The following PRKCA variants were observed in gnomAD, a reference collection of about 807,000 sequenced individuals.
PRKCA encodes protein kinase C alpha type.
A neutral mutation model predicts 87.0 loss-of-function variants in PRKCA; 27 were observed. The ratio of observed to expected loss-of-function variants is 0.31; its 90% CI spans 0.23 to 0.43. The LOEUF is 0.43. Among genes scored for constraint, PRKCA ranks in the 20% least tolerant of loss-of-function variants. The pLI is 1.00. For synonymous variants in PRKCA, 329 were observed against 311.1 expected (o/e 1.06, Z -0.61); for missense variants, 518 against 852.3 (o/e 0.61, Z 4.88).
chr17:66,801,378 C>T (rs1037855136), intron 16 of PRKCA, among the ~76,000 whole-genome samples: 2 of 152,116 alleles, frequency 1.3e-5, no homozygotes, highest in Non-Finnish European at 1.5e-5. Context: ...TCATGATGAC[C>T]AAAAATGGGT....
intron 3 of PRKCA, among the ~76,000 whole-genome samples, chr17:66,607,713 C>T (rs933903991): frequency 3.3e-5 from 5 of 151,978 alleles, no homozygotes; most frequent in Non-Finnish European, 5.9e-5. Flanking sequence ...ACAAGCAGTC[C>T]GGTATTTGGT....
At chr17:66,577,922 C>T (rs960998145) in intron 3 of PRKCA, among the ~76,000 whole-genome samples, 18 of 152,072 alleles carry the variant, frequency 1.2e-4, no homozygotes, top group African/African-American at 3.6e-4. Context: ...GCTTAGCTTC[C>T]GACCCCTGTC....
intron 2 of PRKCA, among the ~76,000 whole-genome samples, chr17:66,366,206 T>A (rs911125204): frequency 6.6e-6 from 1 of 152,172 alleles, no homozygotes. Context: ...GCGATCTTTT[T>A]ATGTGTTTTA....
intron 2 of PRKCA, among the ~76,000 whole-genome samples, chr17:66,413,839 C>A (rs547059383): frequency 2.6e-5 from 4 of 151,994 alleles, no homozygotes; most frequent in Non-Finnish European, 4.4e-5. Flanking sequence ...CATGGCAATA[C>A]CCCGTCTCTA....
intron 5 of PRKCA, among the ~76,000 whole-genome samples, chr17:66,662,719 C>A (rs551452676): frequency 6.6e-6 from 1 of 151,318 alleles, no homozygotes; most frequent in South Asian, 2.1e-4. Context: ...ATCTCGTAGG[C>A]CTGGCATCAT....
chr17:66,348,325 A>G (rs1907533900), intron 2 of PRKCA, among the ~76,000 whole-genome samples: 1 of 152,190 alleles, frequency 6.6e-6, no homozygotes, highest in Admixed American at 6.5e-5. Context: ...CTGGGATTTC[A>G]TGGTGGGAAG....
chr17:66,596,854 G>A (rs1342510079), intron 3 of PRKCA, among the ~76,000 whole-genome samples: 1 of 31,136 alleles, frequency 3.2e-5, no homozygotes, highest in East Asian at 7.5e-4. Context: ...TCTTGCGATA[G>A]TTTACTGAGA....
intron 3 of PRKCA, among the ~76,000 whole-genome samples, chr17:66,626,663 C>T (rs1368859461): frequency 1.3e-5 from 2 of 152,004 alleles, no homozygotes; most frequent in Non-Finnish European, 2.9e-5. Flanking sequence ...AGCCATCACG[C>T]CCAGCCTAGT....
At chr17:66,388,192 G>A (rs998473042) in intron 2 of PRKCA, among the ~76,000 whole-genome samples, 3 of 150,972 alleles carry the variant, frequency 2.0e-5, no homozygotes, top group African/African-American at 7.3e-5. Context: ...GAGGGGCAGG[G>A]ATGACATCTT....
At chr17:66,622,237 C>T (rs1265336384) in intron 3 of PRKCA, among the ~76,000 whole-genome samples, 2 of 152,196 alleles carry the variant, frequency 1.3e-5, no homozygotes, top group Non-Finnish European at 2.9e-5. Context: ...AACCAGCAGC[C>T]TTCCTGCAGA....
intron 2 of PRKCA, among the ~76,000 whole-genome samples, chr17:66,421,197 G>A (rs1047821676): frequency 1.3e-5 from 2 of 152,206 alleles, no homozygotes; most frequent in African/African-American, 4.8e-5. Context: ...TTGCTCAGGA[G>A]GAAGATAAGT....
At chr17:66,407,230 C>A (rs1294915336) in intron 2 of PRKCA, among the ~76,000 whole-genome samples, 2 of 151,700 alleles carry the variant, frequency 1.3e-5, no homozygotes, top group Non-Finnish European at 2.9e-5. Context: ...CTGTGATCCG[C>A]AGTGTTGGAG....
intron 2 of PRKCA, among the ~76,000 whole-genome samples, chr17:66,424,939 T>C (rs930326900): frequency 6.6e-6 from 1 of 151,964 alleles, no homozygotes; most frequent in African/African-American, 2.4e-5. Flanking sequence ...TGTGTATTTT[T>C]TTAGTAGAGA....
chr17:66,523,178 G>C (rs1455891005), intron 3 of PRKCA, among the ~76,000 whole-genome samples: 2 of 152,180 alleles, frequency 1.3e-5, no homozygotes, highest in East Asian at 3.9e-4. Flanking sequence ...GAAGCAAGAT[G>C]AGTCAATCAG....
chr17:66,374,852 C>T (rs9892086), intron 2 of PRKCA, among the ~76,000 whole-genome samples: 32,344 of 151,484 alleles, frequency 0.21, 3,642 homozygotes, highest in Admixed American at 0.31. Flanking sequence ...GTCAGTCTCC[C>T]GAGTAGCTGG....
chr17:66,582,739 AC>A (rs1187186567), intron 3 of PRKCA, among the ~76,000 whole-genome samples: 1 of 152,136 alleles, frequency 6.6e-6, no homozygotes, highest in Non-Finnish European at 1.5e-5. Flanking sequence ...CCTAGTGGCC[AC>A]CAGGATGTGA....
chr17:66,433,361 AT>A (rs1913199952), intron 2 of PRKCA, among the ~76,000 whole-genome samples: 1 of 152,154 alleles, frequency 6.6e-6, no homozygotes, highest in Non-Finnish European at 1.5e-5. Flanking sequence ...TCCTATAAAC[AT>A]AGTCAAGAGC....
At chr17:66,474,719 A>G (rs755878468) in intron 2 of PRKCA, among the ~76,000 whole-genome samples, 5 of 152,198 alleles carry the variant, frequency 3.3e-5, no homozygotes, top group Non-Finnish European at 7.3e-5. Context: ...ACTTAAAGTA[A>G]TTATTAACAA....
At chr17:66,691,590 TCCCTGATGTCACACCAC>T (rs754184290) in intron 8 of PRKCA, among the ~76,000 whole-genome samples, 73 of 152,298 alleles carry the variant, frequency 4.8e-4, no homozygotes, top group Non-Finnish European at 9.0e-4. Context: ...TTGAGCCCCA[TCCCTGATGTCACACCAC>T]CTCTGTGACG....
Sources: gnomAD v4.1 joint callset for allele counts (sites outside exome capture counted in the v4.1 genomes callset) on GRCh38, gnomAD v4.1.1 for gene constraint, MANE v1.5 for transcripts, NCBI Gene and HGNC (gene_info 2026-07-23, HGNC 2026-07-21) for gene names.